Variants in TAFA1 observed in about 807,000 individuals in gnomAD.
TAFA1 encodes TAFA chemokine like family member 1.
TAFA1 carries 4 observed loss-of-function variants against 18.5 expected under a neutral mutation model. The ratio of observed to expected loss-of-function variants is 0.22; its 90% CI spans 0.11 to 0.49. The LOEUF (loss-of-function observed/expected upper bound fraction) is 0.49. Ranked by LOEUF, TAFA1 falls within the 20% of genes least tolerant of loss-of-function variation. The pLI, the probability that TAFA1 is intolerant of heterozygous loss-of-function variation, is 0.98. For synonymous variants in TAFA1, 56 were observed against 55.2 expected, an observed-to-expected ratio of 1.01 and a Z score of -0.06; for missense variants, 147 against 169.0, an observed-to-expected ratio of 0.87 and a Z score of 0.72.
intron 2 of TAFA1, among the ~76,000 whole-genome samples, chr3:68,257,563 G>A (rs1457521601): frequency 1.3e-5 from 2 of 152,000 alleles, no homozygotes; most frequent in African/African-American, 4.8e-5. Context: ...ACTGGGCTAA[G>A]TGCATAATAC....
intron 3 of TAFA1, among the ~76,000 whole-genome samples, chr3:68,433,712 A>C (rs1383464923): frequency 6.6e-6 from 1 of 152,168 alleles, no homozygotes; most frequent in Non-Finnish European, 1.5e-5. Flanking sequence ...CCTAAATTTA[A>C]GTTCCCAAAT....
intron 3 of TAFA1, among the ~76,000 whole-genome samples, chr3:68,435,578 A>C (rs1289549432): frequency 4.6e-5 from 7 of 152,216 alleles, no homozygotes; most frequent in Admixed American, 2.6e-4. Flanking sequence ...GAAATGTCAG[A>C]AAGGAAACAG....
intron 2 of TAFA1, among the ~76,000 whole-genome samples, chr3:68,054,364 C>G (rs1197991281): frequency 1.3e-5 from 2 of 152,156 alleles, no homozygotes; most frequent in East Asian, 3.9e-4. Context: ...CCCCTCCTCT[C>G]TCTCCATGTG....
chr3:68,077,083 T>C (rs2064834098), intron 2 of TAFA1, among the ~76,000 whole-genome samples: 1 of 148,828 alleles, frequency 6.7e-6, no homozygotes, highest in East Asian at 2.0e-4. Flanking sequence ...TTTTCATGTG[T>C]TTTTTGGCTG....
chr3:68,350,165 C>T (rs1307357786), intron 2 of TAFA1, among the ~76,000 whole-genome samples: 2 of 152,240 alleles, frequency 1.3e-5, no homozygotes, highest in East Asian at 3.9e-4. Flanking sequence ...GAAATTGGTA[C>T]TCAGCGCCTC....
intron 2 of TAFA1, among the ~76,000 whole-genome samples, chr3:68,009,459 C>T (rs548924898): frequency 2.6e-5 from 4 of 152,272 alleles, no homozygotes; most frequent in African/African-American, 4.8e-5. Context: ...TCAACCAATG[C>T]GTGGTTGATC....
rs1575615793 is a variant in TAFA1 at position 68,099,845 on chromosome 3, A to G, written c.118+93101A>G. 2.6e-5 allele frequency among the ~76,000 whole-genome samples: 4 copies of G among 152,346 alleles called. No homozygotes were observed. In the South Asian group the frequency reaches 8.3e-4, roughly 32 times the overall value. On this transcript the variant is annotated intron_variant, in intron 2 of 4. Coordinates refer to ENST00000478136, the MANE Select transcript of TAFA1 (RefSeq NM_213609.4). ...AAAAGAATGAAACCATGCCCTTTGC[A>G]GCAACATACATGCAGCTGGAGGCCA...
At chr3:68,346,726 G>A (rs1432798287) in intron 2 of TAFA1, among the ~76,000 whole-genome samples, 2 of 152,144 alleles carry the variant, frequency 1.3e-5, no homozygotes, top group South Asian at 2.1e-4. Flanking sequence ...GGCTTCAAGC[G>A]ACAAAGTAAT....
chr3:68,370,021 G>T (rs1004267319), intron 2 of TAFA1, among the ~76,000 whole-genome samples: 2 of 151,524 alleles, frequency 1.3e-5, no homozygotes, highest in African/African-American at 4.8e-5. Flanking sequence ...AGGTGTGGTG[G>T]CTCACTCCTG....
At chr3:68,206,535 A>G (rs960734373) in intron 2 of TAFA1, among the ~76,000 whole-genome samples, 1 of 151,868 alleles carries the variant, frequency 6.6e-6, no homozygotes, top group African/African-American at 2.4e-5. Flanking sequence ...CTTAAGTAAA[A>G]AAGAGGATTT....
At chr3:68,218,104 T>A (rs544514934) in intron 2 of TAFA1, among the ~76,000 whole-genome samples, 1 of 152,236 alleles carries the variant, frequency 6.6e-6, no homozygotes, top group East Asian at 1.9e-4. Context: ...GCATCCCACA[T>A]GATTTGATGT....
At chr3:68,244,920 T>G (rs1190147050) in intron 2 of TAFA1, among the ~76,000 whole-genome samples, 1 of 152,156 alleles carries the variant, frequency 6.6e-6, no homozygotes, top group Non-Finnish European at 1.5e-5. Context: ...AAAGACAGTG[T>G]GACACAAAGT....
chr3:68,198,898 C>G (rs1023846218), intron 2 of TAFA1, among the ~76,000 whole-genome samples: 7 of 151,260 alleles, frequency 4.6e-5, no homozygotes, highest in Non-Finnish European at 1.0e-4. Context: ...TCAATTTTTT[C>G]TTTTATGGAG....
At chr3:68,060,078 A>AC (rs149692040) in intron 2 of TAFA1, among the ~76,000 whole-genome samples, 2,388 of 152,010 alleles carry the variant, frequency 0.016, 57 homozygotes, top group African/African-American at 0.053. Context: ...GGAAAAAAAA[A>AC]ACACACACAC....
chr3:68,335,627 G>GT (rs1477828006), intron 2 of TAFA1, among the ~76,000 whole-genome samples: 1 of 152,066 alleles, frequency 6.6e-6, no homozygotes, highest in Non-Finnish European at 1.5e-5. Context: ...TATAAGGCAT[G>GT]TTTTTATACA....
chr3:68,410,291 A>G lies in TAFA1; in HGVS notation c.119-6989A>G, dbSNP rs1167652941. Among the ~76,000 whole-genome samples, 5 of 152,194 alleles carry G rather than the reference A, an allele frequency of 3.3e-5. No individual in the cohort carries two copies. In the East Asian group the frequency reaches 9.7e-4, roughly 29 times the overall value. Reference sequence around the variant, plus strand: ...TGCAGGGGCCCTTCCCCTTAACACCAGGGTCAACATGGGCAAAAGGAATGA... The same window carrying G: ...TGCAGGGGCCCTTCCCCTTAACACCGGGGTCAACATGGGCAAAAGGAATGA... On this transcript the variant is annotated intron_variant, in intron 2 of 4. Coordinates refer to ENST00000478136, the MANE Select transcript of TAFA1 (RefSeq NM_213609.4).
intron 2 of TAFA1, among the ~76,000 whole-genome samples, chr3:68,200,750 T>A (rs554199350): frequency 4.6e-5 from 7 of 151,754 alleles, no homozygotes; most frequent in African/African-American, 1.4e-4. Context: ...TTCTTTTTTT[T>A]AAAATTAGCC....
At chr3:68,222,608 T>C (rs1240637521) in intron 2 of TAFA1, among the ~76,000 whole-genome samples, 3 of 152,200 alleles carry the variant, frequency 2.0e-5, no homozygotes, top group African/African-American at 4.8e-5. Flanking sequence ...TATTTTCTAA[T>C]GGAGGATCAT....
At chr3:68,027,183 G>T (rs1287829619) in intron 2 of TAFA1, among the ~76,000 whole-genome samples, 1 of 152,084 alleles carries the variant, frequency 6.6e-6, no homozygotes, top group Non-Finnish European at 1.5e-5. Flanking sequence ...GATTTACGTG[G>T]GACTTCATGG....
Sources: gnomAD v4.1 joint callset for allele counts (sites outside exome capture counted in the v4.1 genomes callset) on GRCh38, gnomAD v4.1.1 for gene constraint, MANE v1.5 for transcripts, NCBI Gene and HGNC (gene_info 2026-07-23, HGNC 2026-07-21) for gene names.